The following SLC6A5 variants were observed in gnomAD, a reference collection of about 807,000 sequenced individuals.
SLC6A5 encodes sodium- and chloride-dependent glycine transporter 2.
Under a neutral mutation model 90.5 loss-of-function variants are expected in SLC6A5, and 58 were observed. That is an observed-to-expected ratio of 0.64 (90% CI 0.52 to 0.80). The LOEUF is 0.80. SLC6A5 is among the 30% of genes least tolerant of loss of function. SLC6A5 has a pLI of 0.00. For synonymous variants in SLC6A5, 427 were observed against 401.4 expected (o/e 1.06, Z -0.76); for missense variants, 1,015 against 1,017.6 (o/e 1.00, Z 0.03).
intron 14 of SLC6A5, among the ~76,000 whole-genome samples, chr11:20,650,117 C>T (rs754784937): frequency 4.6e-5 from 7 of 151,988 alleles, no homozygotes; most frequent in Non-Finnish European, 8.8e-5. Flanking sequence ...CTTCCAATCA[C>T]TTTTGCGCAG....
chr11:20,615,634 T>G (rs923752772), intron 6 of SLC6A5, among the ~76,000 whole-genome samples: 1 of 152,254 alleles, frequency 6.6e-6, no homozygotes, highest in African/African-American at 2.4e-5. Flanking sequence ...CCCAAAGTGC[T>G]GGGATTACAG....
chr11:20,652,726 C>T (rs1469064962), intron 15 of SLC6A5, among the ~76,000 whole-genome samples: 1 of 152,184 alleles, frequency 6.6e-6, no homozygotes, highest in African/African-American at 2.4e-5. Flanking sequence ...GGAGGGTCTC[C>T]TCTTTCCTGG....
intron 13 of SLC6A5, among the ~76,000 whole-genome samples, chr11:20,641,407 G>A (rs1323283651): frequency 6.6e-6 from 1 of 152,162 alleles, no homozygotes; most frequent in Non-Finnish European, 1.5e-5. Flanking sequence ...ATTCACAGCA[G>A]ACAATGGCTT....
intron 1 of SLC6A5, among the ~76,000 whole-genome samples, chr11:20,600,377 AG>A (rs1230803055): frequency 6.0e-5 from 9 of 150,108 alleles, no homozygotes; most frequent in Non-Finnish European, 1.0e-4. Flanking sequence ...AAGAAGAAGA[AG>A]AAGAAGAAGA....
At chr11:20,652,194 G>T in intron 14 of SLC6A5, 95 bp from the exon 15 acceptor site, 1 of 1,150,262 alleles carries the variant, frequency 8.7e-7, no homozygotes, top group South Asian at 1.2e-5. Context: ...TAATAGAGAC[G>T]AAAGCATCAA....
intron 13 of SLC6A5, among the ~76,000 whole-genome samples, chr11:20,645,117 G>A (rs1021229165): frequency 2.0e-5 from 3 of 151,930 alleles, no homozygotes; most frequent in East Asian, 1.9e-4. Context: ...CTGGCCCAGC[G>A]GGTCCATTTT....
chr11:20,623,222 T>C (rs1852926549), intron 7 of SLC6A5, among the ~76,000 whole-genome samples: 1 of 152,218 alleles, frequency 6.6e-6, no homozygotes, highest in Non-Finnish European at 1.5e-5. Context: ...AGTCCACCTC[T>C]GGCAGGTCTG....
rs1225657152 is a variant in SLC6A5, at chr11:20,636,415, C to T, written c.1733C>T (p.Thr578Ile). 6.3e-7 allele frequency: 1 copy of T among 1,580,860 alleles called. No individual in the cohort carries two copies. The highest frequency in any genetic ancestry group is 8.7e-7 in the Non-Finnish European group (1 of 1,149,634). The change falls in exon 11 of 16, where the codon ACT becomes ATT. Residue 578 changes from threonine (T) to isoleucine (I), a missense_variant. By Grantham distance (89) the Thr-to-Ile change is moderately conservative (BLOSUM62 -1). This residue lies in a region of SLC6A5 where 442 missense variants were observed against 494.3 expected (regional missense o/e 0.89). Coordinates refer to ENST00000525748, the MANE Select transcript of SLC6A5 (RefSeq NM_004211.5). Reference sequence around the variant, plus strand: ...ATGCTCCTCACTCTTGGACTTGACACTATGGTGAGCCCCTTTTCCATCAGT... The same window carrying T: ...ATGCTCCTCACTCTTGGACTTGACATTATGGTGAGCCCCTTTTCCATCAGT... ...FLMLLTLGLD[T>I]MFATIETIVT...
At chr11:20,617,655 A>G (rs117113122) in intron 6 of SLC6A5, 97 bp from the exon 7 acceptor site, 372 of 1,078,094 alleles carry the variant, frequency 3.5e-4, no homozygotes, top group Non-Finnish European at 4.8e-4. Flanking sequence ...GTTTTGTGCA[A>G]GCCTCCTGGC....
Position 20,652,383 on chromosome 11 carries a change from T to G in SLC6A5, c.2165T>G (p.Leu722Arg). The change falls in exon 15 of 16, where the codon CTC becomes CGC. Residue 722 changes from leucine to arginine, a missense_variant. This residue lies in a region of SLC6A5 where 442 missense variants were observed against 494.3 expected (regional missense o/e 0.89). Coordinates refer to ENST00000525748, the MANE Select transcript of SLC6A5 (RefSeq NM_004211.5). ...TCCATGGTGCTCGGATGGCTAATGC[T>G]CGCCTGTTCCGTCATCTGGATCCCA... ...NWSMVLGWLM[L>R]ACSVIWIPIM... 1 of 1,614,188 alleles carries G rather than the reference T, an allele frequency of 6.2e-7. No homozygotes were observed. Among genetic ancestry groups the G allele is most frequent in the South Asian group, 1.1e-5 (1 of 91,082 alleles).
At chr11:20,634,633 C>T (rs1167705982) in intron 10 of SLC6A5, among the ~76,000 whole-genome samples, 1 of 152,174 alleles carries the variant, frequency 6.6e-6, no homozygotes, top group African/African-American at 2.4e-5. Flanking sequence ...TTAATACAGA[C>T]TTTTCTTTTA....
At chr11:20,636,469 C>T (rs760949425) in intron 11 of SLC6A5, 50 bp downstream of exon 11, 1 of 1,191,480 alleles carries the variant, frequency 8.4e-7, no homozygotes, top group South Asian at 1.2e-5. Context: ...TTGAAGACTC[C>T]CCCTCTCCTG....
chr11:20,601,452 C>T lies in SLC6A5; in HGVS notation c.327C>T (p.Pro109=), dbSNP rs767784671. 2 of 1,608,956 alleles carry T rather than the reference C, an allele frequency of 1.2e-6. No individual in the cohort carries two copies. Among genetic ancestry groups the T allele is most frequent in the African/African-American group, 1.3e-5 (1 of 74,984 alleles). ...AAGGCGCGCAGGCCTCGCCCCCTCCCGGGAGCTCCGGGCCCGGCAACGCGC... is the reference window on the plus strand; with the variant it reads ...AAGGCGCGCAGGCCTCGCCCCCTCCTGGGAGCTCCGGGCCCGGCAACGCGC... ...EAQGAQASPP[P]GSSGPGNALH... The change falls in exon 2 of 16, where the codon CCC becomes CCT. Residue 109 remains proline (P), a synonymous_variant. Coordinates refer to ENST00000525748, the MANE Select transcript of SLC6A5 (RefSeq NM_004211.5).
intron 10 of SLC6A5, among the ~76,000 whole-genome samples, chr11:20,634,994 C>T (rs117655210): frequency 0.018 from 2,668 of 152,086 alleles, 44 homozygotes; most frequent in Non-Finnish European, 0.027. Context: ...CCCAGTGAGA[C>T]CGTGAGGCAG....
chr11:20,604,715 G>A (rs1852545116), intron 3 of SLC6A5, among the ~76,000 whole-genome samples: 1 of 152,188 alleles, frequency 6.6e-6, no homozygotes, highest in Non-Finnish European at 1.5e-5. Context: ...AGCCACGTAA[G>A]CACGGGTGCT....
At chr11:20,628,406 T>C (rs1262469218) in intron 9 of SLC6A5, among the ~76,000 whole-genome samples, 1 of 152,228 alleles carries the variant, frequency 6.6e-6, no homozygotes, top group Non-Finnish European at 1.5e-5. Flanking sequence ...GTGGATACAA[T>C]GGACTGTGCC....
chr11:20,638,426 C>A, intron 12 of SLC6A5, 33 bp from the exon 13 acceptor site: 1 of 1,303,966 alleles, frequency 7.7e-7, no homozygotes, highest in Non-Finnish European at 1.1e-6. Flanking sequence ...CTTCAGGACG[C>A]ATTTGATATT....
Position 20,655,902 on chromosome 11 carries a change from A to G in SLC6A5, c.*1034A>G, listed in dbSNP as rs1853631714. 6.6e-6 allele frequency: 1 copy of G among 152,216 alleles called. No individual in the cohort carries two copies. Among genetic ancestry groups the G allele is most frequent in the African/African-American group, 2.4e-5 (1 of 41,454 alleles). 9.4% of individuals were successfully genotyped at this position (152,216 alleles called of 1,614,324 possible). A position where few individuals can be genotyped will look rare whatever the true frequency, so the allele number is the denominator to read the frequency against. On this transcript the variant is annotated 3_prime_UTR_variant, in exon 16 of 16. Transcript: ENST00000525748. Reference sequence around the variant, plus strand: ...GTAAATGCCAACTGTGGTCATAGAGAAATCAAAGAAATGGAGAGTTTAATA... The same window carrying G: ...GTAAATGCCAACTGTGGTCATAGAGGAATCAAAGAAATGGAGAGTTTAATA...
chr11:20,644,261 A>AACT (rs1480577687), intron 13 of SLC6A5, among the ~76,000 whole-genome samples: 6 of 152,200 alleles, frequency 3.9e-5, no homozygotes, highest in African/African-American at 1.2e-4. Flanking sequence ...AACCTCTGGT[A>AACT]ACTACCATTC....
Sources: allele counts gnomAD v4.1 joint callset (sites outside exome capture counted in the v4.1 genomes callset), GRCh38; gene constraint gnomAD v4.1.1; regional missense constraint gnomAD v4.1.1; transcripts MANE v1.5; gene names NCBI Gene and HGNC (gene_info 2026-07-23, HGNC 2026-07-21).